Variants in FAT3 observed in about 807,000 individuals in gnomAD.
The protein encoded by FAT3 is FAT atypical cadherin 3.
Under a neutral mutation model 310.2 loss-of-function variants are expected in FAT3, and 95 were observed. The ratio of observed to expected loss-of-function variants is 0.31; its 90% CI spans 0.26 to 0.36. The LOEUF is 0.36. Ranked by LOEUF, FAT3 falls within the 10% of genes least tolerant of loss-of-function variation. The pLI is 1.00. For missense variants in FAT3, 5,408 were observed against 5,715.6 expected (o/e 0.95, Z 1.74); for synonymous variants, 2,314 against 2,192.9 (o/e 1.06, Z -1.54).
chr11:92,592,281 A>ATGTT (rs1261628517), intron 3 of FAT3, among the ~76,000 whole-genome samples: 2 of 147,556 alleles, frequency 1.4e-5, no homozygotes, highest in Non-Finnish European at 3.0e-5. Flanking sequence ...GTAAACAAAG[A>ATGTT]TGTTGCCCAA....
At chr11:92,794,129 TA>T (rs1947107421) in intron 9 of FAT3, among the ~76,000 whole-genome samples, 1 of 152,186 alleles carries the variant, frequency 6.6e-6, no homozygotes. Context: ...CCTTTCAATC[TA>T]AAGCCTGACC....
intron 2 of FAT3, among the ~76,000 whole-genome samples, chr11:92,421,392 GTTTTAA>G (rs1950530264): frequency 6.6e-6 from 1 of 152,104 alleles, no homozygotes; most frequent in East Asian, 1.9e-4. Flanking sequence ...GTATTAGGAG[GTTTTAA>G]TTTGTTGTTT....
chr11:92,696,715 C>A (rs1175663075), intron 3 of FAT3, among the ~76,000 whole-genome samples: 1 of 152,146 alleles, frequency 6.6e-6, no homozygotes, highest in Non-Finnish European at 1.5e-5. Context: ...TTTGTCTTCT[C>A]ATTTTCTTTT....
intron 1 of FAT3, among the ~76,000 whole-genome samples, chr11:92,288,874 T>C (rs564711262): frequency 8.5e-5 from 13 of 152,072 alleles, no homozygotes; most frequent in Non-Finnish European, 1.3e-4. Flanking sequence ...ACTTGGTTGG[T>C]TCTTTGGTGA....
intron 2 of FAT3, among the ~76,000 whole-genome samples, chr11:92,476,053 CAGTG>C (rs948726782): frequency 6.6e-6 from 1 of 151,946 alleles, no homozygotes; most frequent in East Asian, 1.9e-4. Context: ...GGCTGGCCAG[CAGTG>C]AGTGTGTGAG....
In FAT3 at chr11:92,680,131, G is replaced by GT. The variant is rs374341598; in HGVS notation, c.3608-17242dup. On this transcript the variant is annotated intron_variant, in intron 3 of 27. Transcript: ENST00000525166. Reference sequence around the variant, plus strand: ...ATTAAGTCTCATTTTTCTATTTTTGGTTTTTTTTTTTCATCTATGCTTTTG... The same window carrying GT: ...ATTAAGTCTCATTTTTCTATTTTTGGTTTTTTTTTTTTCATCTATGCTTTTG... Among the ~76,000 whole-genome samples, 758 of 143,436 alleles carry GT rather than the reference G, an allele frequency of 5.3e-3. 2 individuals carry two copies. Among genetic ancestry groups the GT allele is most frequent in the Middle Eastern group, 0.018 (5 of 284 alleles). The allele number at this position is 143,436 out of a possible 152,430, so 94.1% of individuals were successfully genotyped here.
In FAT3 at chr11:92,891,286, G is replaced by C. The variant is rs1949913882; in HGVS notation, c.*173G>C. The C allele has an allele frequency of 3.3e-6, 3 of 916,126 alleles. No individual in the cohort carries two copies. The highest frequency in any genetic ancestry group is 3.4e-5 in the African/African-American group (2 of 59,644). The allele number at this position is 916,126 out of a possible 1,614,324, so 56.7% of individuals were successfully genotyped here. On this transcript the variant is annotated 3_prime_UTR_variant, in exon 28 of 28. Transcript: ENST00000525166. The stretch of plus-strand genomic sequence containing the variant: ...CCAACAAGCAAGCTTGATTCCAGTT[G>C]GGTGAAAATGAAAGGCTCAGAAATT...
intron 2 of FAT3, among the ~76,000 whole-genome samples, chr11:92,524,016 GT>G: frequency 6.6e-6 from 1 of 152,172 alleles, no homozygotes; most frequent in Non-Finnish European, 1.5e-5. Context: ...TTTGGAACGT[GT>G]TTATATGACC....
intron 2 of FAT3, among the ~76,000 whole-genome samples, chr11:92,417,652 A>G (rs961289853): frequency 2.0e-5 from 3 of 152,214 alleles, no homozygotes; most frequent in Non-Finnish European, 4.4e-5. Flanking sequence ...AAAATACACA[A>G]TGGAAAATAT....
intron 2 of FAT3, among the ~76,000 whole-genome samples, chr11:92,520,634 G>C (rs1330721099): frequency 1.3e-5 from 2 of 152,090 alleles, no homozygotes. Context: ...ATTCTTAGCT[G>C]TGACTATGTT....
intron 4 of FAT3, among the ~76,000 whole-genome samples, chr11:92,732,590 T>G (rs561173633): frequency 6.6e-6 from 1 of 152,222 alleles, no homozygotes; most frequent in Non-Finnish European, 1.5e-5. Context: ...CAGATGGGTT[T>G]GCCATGAGAA....
rs1949912063 is a variant in FAT3 at position 92,891,192 on chromosome 11, C to T, written c.*79C>T. On this transcript the variant is annotated 3_prime_UTR_variant, in exon 28 of 28. Transcript: ENST00000525166. ...TGGCTGGGCTTCTGTCCCAGTGGAG[C>T]ATTGTCTGTGGAATGAGAAGGGAAT... 1.3e-6 allele frequency: 2 copies of T among 1,532,008 alleles called. No homozygotes were observed. Among genetic ancestry groups the T allele is most frequent in the Non-Finnish European group, 1.8e-6 (2 of 1,132,156 alleles). 94.9% of individuals were successfully genotyped at this position (1,532,008 alleles called of 1,614,324 possible).
At chr11:92,644,491 C>T (rs551102585) in intron 3 of FAT3, among the ~76,000 whole-genome samples, 1 of 152,184 alleles carries the variant, frequency 6.6e-6, no homozygotes, top group African/African-American at 2.4e-5. Flanking sequence ...ACCCCGCCCC[C>T]CCGATAACTC....
chr11:92,565,852 A>G (rs1327835203), intron 3 of FAT3, among the ~76,000 whole-genome samples: 4 of 152,100 alleles, frequency 2.6e-5, no homozygotes, highest in Non-Finnish European at 5.9e-5. Flanking sequence ...CATTCTAAAA[A>G]CTCTCAGTAA....
At chr11:92,682,295 A>T (rs1477938732) in intron 3 of FAT3, among the ~76,000 whole-genome samples, 1 of 152,220 alleles carries the variant, frequency 6.6e-6, no homozygotes, top group Non-Finnish European at 1.5e-5. Flanking sequence ...CCACATAGGG[A>T]ATACTCAGAC....
chr11:92,615,444 A>G (rs1437659466), intron 3 of FAT3, among the ~76,000 whole-genome samples: 3 of 152,002 alleles, frequency 2.0e-5, no homozygotes, highest in Non-Finnish European at 4.4e-5. Flanking sequence ...ACAGGGTTTC[A>G]CCATGTTGGC....
In FAT3 at chr11:92,762,145, C is replaced by T. The variant is rs771256823; in HGVS notation, c.3959C>T (p.Thr1320Ile). The T allele has an allele frequency of 4.3e-6, 7 of 1,612,722 alleles. No individual in the cohort carries two copies. Among genetic ancestry groups the T allele is most frequent in the Non-Finnish European group, 5.9e-6 (7 of 1,179,070 alleles). Residue 1320 changes from threonine to isoleucine, a missense_variant, in exon 5 of 28, where the codon ACA (threonine) becomes ATA (isoleucine). Physicochemically the swap from Thr to Ile is moderately conservative, Grantham distance 89. This residue lies in a region of FAT3 where 4,588 missense variants were observed against 4,809.8 expected (regional missense o/e 0.95). Transcript: ENST00000525166. ...TGMVSSRKQF[T>I]AGSYDILTIK... ...ATGGTTTCTTCTAGAAAGCAGTTTACAGCAGGCAGTTATGACATCCTAACG... is the reference window on the plus strand; with the variant it reads ...ATGGTTTCTTCTAGAAAGCAGTTTATAGCAGGCAGTTATGACATCCTAACG...
At chr11:92,563,930 T>C (rs1955332275) in intron 3 of FAT3, among the ~76,000 whole-genome samples, 1 of 151,442 alleles carries the variant, frequency 6.6e-6, no homozygotes, top group Admixed American at 6.6e-5. Context: ...CGCTGCAAAA[T>C]CATGCCAAAA....
chr11:92,356,282 C>T (rs910040254), intron 2 of FAT3, among the ~76,000 whole-genome samples: 4 of 152,134 alleles, frequency 2.6e-5, no homozygotes, highest in Non-Finnish European at 4.4e-5. Flanking sequence ...GTAGACATCT[C>T]AAGTGAGGGC....
Sources: allele counts gnomAD v4.1 joint callset (sites outside exome capture counted in the v4.1 genomes callset), GRCh38; gene constraint gnomAD v4.1.1; regional missense constraint gnomAD v4.1.1; transcripts MANE v1.5; gene names NCBI Gene and HGNC (gene_info 2026-07-23, HGNC 2026-07-21).